FYB1: variants seen among roughly 807,000 people sequenced by gnomAD.
The protein encoded by FYB1 is FYN-binding protein 1.
In FYB1, 41 loss-of-function variants were observed where a neutral mutation model predicts 94.1. That is an observed-to-expected ratio of 0.44 (90% CI 0.34 to 0.57). The LOEUF (loss-of-function observed/expected upper bound fraction) is 0.57. Ranked by LOEUF, FYB1 falls within the 20% of genes least tolerant of loss-of-function variation. The pLI, the probability that FYB1 is intolerant of heterozygous loss-of-function variation, is 0.02. For missense variants in FYB1, 1,050 were observed against 976.8 expected (o/e 1.07, Z -1.00); for synonymous variants, 367 against 353.2 (o/e 1.04, Z -0.44).
At chr5:39,236,538 T>C (rs528604990) in intron 1 of FYB1, among the ~76,000 whole-genome samples, 14 of 152,216 alleles carry the variant, frequency 9.2e-5, no homozygotes, top group African/African-American at 3.1e-4. Context: ...CATAGAGATA[T>C]AGCAACACCT....
At chr5:39,193,363 T>C (rs1241148568) in intron 2 of FYB1, among the ~76,000 whole-genome samples, 1 of 152,104 alleles carries the variant, frequency 6.6e-6, no homozygotes, top group African/African-American at 2.4e-5. Context: ...AGAGTGTCCC[T>C]CCTCCAATTC....
intron 1 of FYB1, among the ~76,000 whole-genome samples, chr5:39,226,688 A>G (rs532445779): frequency 7.9e-5 from 12 of 152,034 alleles, no homozygotes; most frequent in Non-Finnish European, 1.5e-4. Flanking sequence ...TCTTATTTTC[A>G]TGGGTGTGTT....
intron 11 of FYB1, 127 bp from the exon 12 acceptor site, chr5:39,126,262 C>T: frequency 2.0e-6 from 2 of 1,009,082 alleles, no homozygotes; most frequent in Non-Finnish European, 2.8e-6. Context: ...CAGTAAATAA[C>T]TCATTTTATT....
Position 39,127,721 on chromosome 5 carries a change from A to T in FYB1, c.1907+20T>A. ...GTATATATAATAATTTGCAAAAAGC[A>T]GTTCACTGATTATTCTTACCCATCA... On this transcript the variant is annotated intron_variant, in intron 11 of 18. Transcript: ENST00000512982. The T allele has an allele frequency of 6.3e-7, 1 of 1,580,572 alleles. No homozygotes were observed. Among genetic ancestry groups the T allele is most frequent in the Non-Finnish European group, 8.6e-7 (1 of 1,167,470 alleles).
intron 1 of FYB1, among the ~76,000 whole-genome samples, chr5:39,215,603 A>C (rs1749798799): frequency 6.6e-6 from 1 of 152,158 alleles, no homozygotes; most frequent in Non-Finnish European, 1.5e-5. Flanking sequence ...TTCAGAAGCA[A>C]ACATTATTAA....
intron 1 of FYB1, among the ~76,000 whole-genome samples, chr5:39,247,136 A>T (rs1027949637): frequency 1.4e-5 from 2 of 142,122 alleles, no homozygotes; most frequent in Admixed American, 1.4e-4. Flanking sequence ...CATTTGTCAA[A>T]TGAATAGCTT....
intron 1 of FYB1, among the ~76,000 whole-genome samples, chr5:39,206,929 A>T (rs1047117357): frequency 2.0e-5 from 3 of 152,208 alleles, no homozygotes; most frequent in Non-Finnish European, 4.4e-5. Flanking sequence ...GTACAGGTGG[A>T]TATATGATCA....
At chr5:39,130,171 A>T (rs940528611) in intron 10 of FYB1, among the ~76,000 whole-genome samples, 2 of 152,110 alleles carry the variant, frequency 1.3e-5, no homozygotes, top group African/African-American at 4.8e-5. Flanking sequence ...CAAATACTGC[A>T]TGTACTCACA....
chr5:39,115,685 T>A (rs575832775), intron 16 of FYB1, among the ~76,000 whole-genome samples: 1 of 151,992 alleles, frequency 6.6e-6, no homozygotes, highest in Non-Finnish European at 1.5e-5. Context: ...TAGCTATTTT[T>A]AAAAATTAAG....
chr5:39,140,786 C>CA (rs1455644412), intron 4 of FYB1, among the ~76,000 whole-genome samples: 6 of 152,082 alleles, frequency 3.9e-5, no homozygotes, highest in Admixed American at 3.9e-4. Flanking sequence ...GCTGATTGTA[C>CA]AAAAAGACGA....
At chr5:39,110,827 CAG>C (rs1366687418) in intron 16 of FYB1, 1 of 365,574 alleles carries the variant, frequency 2.7e-6, no homozygotes, top group Non-Finnish European at 5.3e-6. Flanking sequence ...TTATATTGAG[CAG>C]AGAGAGAACT....
intron 16 of FYB1, chr5:39,110,882 TA>T (rs1049666407): frequency 3.5e-5 from 10 of 284,282 alleles, no homozygotes; most frequent in African/African-American, 2.1e-4. Context: ...TATTGACTAC[TA>T]GGGGGACTAT....
At chr5:39,159,458 CTAAAG>C (rs1328773168) in intron 2 of FYB1, among the ~76,000 whole-genome samples, 1 of 152,176 alleles carries the variant, frequency 6.6e-6, no homozygotes, top group African/African-American at 2.4e-5. Context: ...TCATTTGCAT[CTAAAG>C]TAAACACAGA....
chr5:39,125,421 T>TA (rs1247521076), intron 12 of FYB1, among the ~76,000 whole-genome samples: 1 of 151,976 alleles, frequency 6.6e-6, no homozygotes, highest in Admixed American at 6.5e-5. Context: ...TGGACAAACT[T>TA]AAGATGTTTA....
At chr5:39,241,876 T>A (rs1027505980) in intron 1 of FYB1, among the ~76,000 whole-genome samples, 1 of 152,082 alleles carries the variant, frequency 6.6e-6, no homozygotes, top group Non-Finnish European at 1.5e-5. Context: ...AAAGATTTGT[T>A]CATAGAATTT....
intron 1 of FYB1, among the ~76,000 whole-genome samples, chr5:39,252,165 A>G (rs1369996514): frequency 6.6e-6 from 1 of 151,908 alleles, no homozygotes; most frequent in African/African-American, 2.4e-5. Flanking sequence ...ATAAATAAAT[A>G]AAAAATAAAA....
intron 2 of FYB1, among the ~76,000 whole-genome samples, chr5:39,162,867 GA>G (rs1297884233): frequency 3.3e-5 from 5 of 152,124 alleles, no homozygotes; most frequent in African/African-American, 2.4e-5. Flanking sequence ...AAGTGAGACT[GA>G]GCATTCTTTC....
intron 2 of FYB1, among the ~76,000 whole-genome samples, chr5:39,162,622 T>C (rs1227251336): frequency 2.6e-5 from 4 of 151,824 alleles, no homozygotes; most frequent in Non-Finnish European, 4.4e-5. Flanking sequence ...GAGGCGGAGG[T>C]TGCAGTGAGC....
At chr5:39,175,365 G>A (rs949605636) in intron 2 of FYB1, among the ~76,000 whole-genome samples, 6 of 152,144 alleles carry the variant, frequency 3.9e-5, no homozygotes, top group African/African-American at 9.7e-5. Context: ...TGATATAAGC[G>A]GTGAACATTG....
Sources: allele counts gnomAD v4.1 joint callset (sites outside exome capture counted in the v4.1 genomes callset), GRCh38; gene constraint gnomAD v4.1.1; transcripts MANE v1.5; gene names NCBI Gene and HGNC (gene_info 2026-07-23, HGNC 2026-07-21).